TMEM170A: variants seen among roughly 807,000 people sequenced by gnomAD.
TMEM170A encodes transmembrane protein 170A.
Under a neutral mutation model 12.8 loss-of-function variants are expected in TMEM170A, and 18 were observed. The ratio of observed to expected loss-of-function variants is 1.41; its 90% CI spans 0.97 to 2.09. The LOEUF (loss-of-function observed/expected upper bound fraction) is 2.09, where lower values mean the gene tolerates loss of function less well. TMEM170A is among the 30% of genes most tolerant of loss of function. TMEM170A has a pLI of 0.00. For missense variants in TMEM170A, 220 were observed against 179.9 expected (o/e 1.22, Z -1.28); for synonymous variants, 107 against 76.2 (o/e 1.40, Z -2.11).
intron 2 of TMEM170A, 197 bp downstream of exon 2, chr16:75,451,472 C>T (rs2079679972): frequency 1.6e-6 from 1 of 621,656 alleles, no homozygotes; most frequent in Admixed American, 2.7e-5. Context: ...TTACTTGAGC[C>T]CAAGAGGTGG....
intron 1 of TMEM170A, among the ~76,000 whole-genome samples, chr16:75,456,522 T>C (rs377442963): frequency 8.5e-5 from 13 of 152,222 alleles, no homozygotes; most frequent in African/African-American, 1.7e-4. Flanking sequence ...CCTTAGTCAA[T>C]AGTGTCAATC....
chr16:75,449,324 G>A (rs1473608381), intron 2 of TMEM170A, among the ~76,000 whole-genome samples: 2 of 125,094 alleles, frequency 1.6e-5, no homozygotes, highest in Non-Finnish European at 3.3e-5. Context: ...TCTCAATCAC[G>A]TTTACAATTT....
chr16:75,458,928 C>CAAA (rs1310168998), intron 1 of TMEM170A: 11 of 152,132 alleles, frequency 7.2e-5, no homozygotes, highest in African/African-American at 2.4e-4. Flanking sequence ...CAGTCTCACT[C>CAAA]TGTTGCCCAG....
chr16:75,451,885 G>T, intron 1 of TMEM170A, 46 bp from the exon 2 acceptor site: 4 of 1,535,868 alleles, frequency 2.6e-6, no homozygotes, highest in Non-Finnish European at 3.6e-6. Flanking sequence ...GCCCTTCCCA[G>T]GACAATCATT....
At chr16:75,461,297 G>A (rs143273073) in intron 1 of TMEM170A, among the ~76,000 whole-genome samples, 24 of 151,890 alleles carry the variant, frequency 1.6e-4, no homozygotes, top group African/African-American at 5.6e-4. Flanking sequence ...TAGATGATCC[G>A]CCCGCTTCGG....
rs1446910577 is a variant in TMEM170A, at chr16:75,445,709, T to G, written c.*1849A>C. On this transcript the variant is annotated 3_prime_UTR_variant, in exon 3 of 3. Coordinates refer to ENST00000561878, the MANE Select transcript of TMEM170A (RefSeq NM_145254.3). Reference sequence around the variant, plus strand: ...CCTCCTGACTTTTTTCTTTTTTTTTTTTTTCCAAATTGGGCAGACTCCAGA... The same window carrying G: ...CCTCCTGACTTTTTTCTTTTTTTTTGTTTTCCAAATTGGGCAGACTCCAGA... 6.6e-6 allele frequency: 1 copy of G among 151,946 alleles called. No homozygotes were observed. The highest frequency in any genetic ancestry group is 1.5e-5 in the Non-Finnish European group (1 of 67,968). The allele number at this position is 151,946 out of a possible 1,614,324, so 9.4% of individuals were successfully genotyped here.
chr16:75,451,055 G>A (rs887002824), intron 2 of TMEM170A, among the ~76,000 whole-genome samples: 1 of 152,134 alleles, frequency 6.6e-6, no homozygotes, highest in Non-Finnish European at 1.5e-5. Flanking sequence ...CAGGGCCAAT[G>A]CTCAAGTGAT....
chr16:75,448,996 G>A (rs889134759), intron 2 of TMEM170A, among the ~76,000 whole-genome samples: 4 of 151,992 alleles, frequency 2.6e-5, no homozygotes, highest in Non-Finnish European at 5.9e-5. Flanking sequence ...GGGAGGTCAA[G>A]GCTGCAGTGA....
At chr16:75,463,808 G>A (rs944638396) in intron 1 of TMEM170A, among the ~76,000 whole-genome samples, 4 of 152,234 alleles carry the variant, frequency 2.6e-5, no homozygotes, top group African/African-American at 9.6e-5. Flanking sequence ...AACCCTCCTA[G>A]CAGGCCCAGC....
At chr16:75,463,975 G>T (rs942317623) in intron 1 of TMEM170A, among the ~76,000 whole-genome samples, 13 of 152,258 alleles carry the variant, frequency 8.5e-5, no homozygotes, top group African/African-American at 2.7e-4. Context: ...AGGCGCCCGC[G>T]ATCAGCGAAC....
In TMEM170A at chr16:75,445,577, G is replaced by A. The variant is rs1597429788; in HGVS notation, c.*1981C>T. On this transcript the variant is annotated 3_prime_UTR_variant, in exon 3 of 3. Transcript: ENST00000561878. ...CTCCCAAAGTGCTGGGATTATAGGT[G>A]TGAGCCACTGCGCCCAGCCATAAGT... 6.6e-6 allele frequency: 1 copy of A among 152,236 alleles called. No homozygotes were observed. The highest frequency in any genetic ancestry group is 2.4e-5 in the African/African-American group (1 of 41,440). 9.4% of individuals were successfully genotyped at this position (152,236 alleles called of 1,614,324 possible).
intron 2 of TMEM170A, 111 bp downstream of exon 2, chr16:75,451,558 G>T (rs1040924822): frequency 1.1e-5 from 13 of 1,211,030 alleles, no homozygotes; most frequent in Non-Finnish European, 1.5e-5. Flanking sequence ...TGGACTTGCA[G>T]TTAAAAGGCA....
intron 1 of TMEM170A, among the ~76,000 whole-genome samples, chr16:75,455,938 C>T (rs372916963): frequency 6.6e-6 from 1 of 152,164 alleles, no homozygotes; most frequent in Non-Finnish European, 1.5e-5. Flanking sequence ...AGAAGCTTTA[C>T]TGAAGCTGTA....
intron 2 of TMEM170A, 32 bp downstream of exon 2, chr16:75,451,637 A>AT: frequency 6.2e-7 from 1 of 1,611,674 alleles, no homozygotes; most frequent in Non-Finnish European, 8.5e-7. Flanking sequence ...CATATTAAAC[A>AT]TTTTTGACTG....
chr16:75,454,919 G>C (rs1396428894), intron 1 of TMEM170A, among the ~76,000 whole-genome samples: 2 of 152,148 alleles, frequency 1.3e-5, no homozygotes, highest in African/African-American at 4.8e-5. Context: ...GAAAAGCATA[G>C]GTAGGCAAGG....
chr16:75,443,483 T>A lies in TMEM170A; in HGVS notation c.*4075A>T, dbSNP rs2079534092. ...TATGGTCTGCTAATGGCACCGATGC[T>A]TCACATTCCAGGAAATGGTTACTTA... On this transcript the variant is annotated 3_prime_UTR_variant, in exon 3 of 3. Transcript: ENST00000561878. 1 of 152,174 alleles carries A rather than the reference T, an allele frequency of 6.6e-6. No individual in the cohort carries two copies. The highest frequency in any genetic ancestry group is 2.4e-5 in the African/African-American group (1 of 41,444). 9.4% of individuals were successfully genotyped at this position (152,174 alleles called of 1,614,324 possible). A position where few individuals can be genotyped will look rare whatever the true frequency, so the allele number is the denominator to read the frequency against.
At position 75,464,570 on chromosome 16, in the gene TMEM170A, C is replaced by G. The variant is rs758373049; in HGVS notation, c.31G>C (p.Gly11Arg). ...ATCTGCTGCAGGAGCCCGGCCGACC[C>G]GCCGCTGCCGCCGCTCCCCTCGCGC... The part of the protein sequence containing the change: MEREGSGGSG[G>R]SAGLLQQILS... The change falls in exon 1 of 3, where the codon GGG becomes CGG. Residue 11 changes from glycine to arginine, a missense_variant. Physicochemically the swap from Gly to Arg is moderately radical, Grantham distance 125. Coordinates refer to ENST00000561878, the MANE Select transcript of TMEM170A (RefSeq NM_145254.3). The G allele has an allele frequency of 1.3e-6, 2 of 1,586,444 alleles. No individual in the cohort carries two copies. Among genetic ancestry groups the G allele is most frequent in the African/African-American group, 2.8e-5 (2 of 71,924 alleles).
intron 1 of TMEM170A, among the ~76,000 whole-genome samples, chr16:75,453,194 G>GACTGTAA (rs2079720285): frequency 6.6e-6 from 1 of 152,156 alleles, no homozygotes; most frequent in African/African-American, 2.4e-5. Context: ...AACACTTCAG[G>GACTGTAA]TGGCCAAGGT....
rs1307271507 is a variant in TMEM170A, at chr16:75,446,398, A to G, written c.*1160T>C. On this transcript the variant is annotated 3_prime_UTR_variant, in exon 3 of 3. Coordinates refer to ENST00000561878, the MANE Select transcript of TMEM170A (RefSeq NM_145254.3). ...GTTAGGCAGTAGAATAAAAATTTAA[A>G]TAGCTAAAATTAAGTTTTAAAAAAA... is the stretch of plus-strand genomic sequence containing the variant. 1.3e-5 allele frequency: 2 copies of G among 152,208 alleles called. No homozygotes were observed. The highest frequency in any genetic ancestry group is 2.9e-5 in the Non-Finnish European group (2 of 68,028). 9.4% of individuals were successfully genotyped at this position (152,208 alleles called of 1,614,324 possible). A position where few individuals can be genotyped will look rare whatever the true frequency, so the allele number is the denominator to read the frequency against.
Sources: allele counts gnomAD v4.1 joint callset (sites outside exome capture counted in the v4.1 genomes callset), GRCh38; gene constraint gnomAD v4.1.1; transcripts MANE v1.5; gene names NCBI Gene and HGNC (gene_info 2026-07-23, HGNC 2026-07-21).